The following EIF2AK3 variants were observed in gnomAD, a reference collection of about 807,000 sequenced individuals.
EIF2AK3 encodes eukaryotic translation initiation factor 2 alpha kinase 3, also known as eukaryotic translation initiation factor 2-alpha kinase 3.
In EIF2AK3, 50 loss-of-function variants were observed where a neutral mutation model predicts 113.5. That is an observed-to-expected ratio of 0.44 (90% CI 0.35 to 0.56). The LOEUF (loss-of-function observed/expected upper bound fraction) is 0.56, where lower values mean the gene tolerates loss of function less well. Among genes scored for constraint, EIF2AK3 ranks in the 20% least tolerant of loss-of-function variants. EIF2AK3 has a pLI of 0.00. For missense variants in EIF2AK3, 1,185 were observed against 1,378.0 expected, an observed-to-expected ratio of 0.86 and a Z score of 2.22; for synonymous variants, 448 against 495.4, an observed-to-expected ratio of 0.90 and a Z score of 1.27.
intron 14 of EIF2AK3, among the ~76,000 whole-genome samples, chr2:88,569,585 G>A (rs1438906548): frequency 6.6e-6 from 1 of 152,144 alleles, no homozygotes; most frequent in Non-Finnish European, 1.5e-5. Flanking sequence ...ATTACATAAT[G>A]AACTGTGATG....
At position 88,586,048 on chromosome 2, in the gene EIF2AK3, A is replaced by G. The variant is rs1558653073; in HGVS notation, c.1443T>C (p.Tyr481=). The change falls in exon 9 of 17, where the codon TAT becomes TAC. Residue 481 remains tyrosine (Y), a synonymous_variant. Transcript: ENST00000303236. The part of the protein sequence containing the change: ...ILQYPYDNGY[Y]LPYYKRERNK... ...TCCTCTCCCTCTTGTAGTATGGTAG[A>G]TAATAACCATTATCTTCAAATAGAA... The G allele has an allele frequency of 2.5e-6, 4 of 1,613,888 alleles. No individual in the cohort carries two copies. In the South Asian group the frequency reaches 4.4e-5, roughly 18 times the overall value.
intron 10 of EIF2AK3, 127 bp from the exon 11 acceptor site, chr2:88,579,767 ATATT>A (rs1490787753): frequency 1.2e-6 from 1 of 854,612 alleles, no homozygotes; most frequent in Non-Finnish European, 1.8e-6. Flanking sequence ...AATAAATAGT[ATATT>A]TTGAATTTGA....
At chr2:88,586,171 T>A in intron 8 of EIF2AK3, 110 bp from the exon 9 acceptor site, 1 of 850,962 alleles carries the variant, frequency 1.2e-6, no homozygotes, top group Non-Finnish European at 1.9e-6. Flanking sequence ...TAATTCCTTT[T>A]AAGTTTTGTC....
intron 15 of EIF2AK3, 140 bp downstream of exon 15, chr2:88,562,147 CTG>C (rs1673982275): frequency 4.4e-6 from 3 of 683,672 alleles, no homozygotes; most frequent in South Asian, 1.8e-5. Context: ...GAACTCCTCT[CTG>C]TGTTACTCAC....
chr2:88,595,130 G>C (rs1483548969), intron 3 of EIF2AK3, among the ~76,000 whole-genome samples: 2 of 150,336 alleles, frequency 1.3e-5, no homozygotes, highest in Non-Finnish European at 3.0e-5. Context: ...TTGAACCTGA[G>C]GGGGTGTGGA....
chr2:88,583,619 AAAC>A, intron 9 of EIF2AK3, 77 bp from the exon 10 acceptor site: 1 of 1,002,238 alleles, frequency 1.0e-6, no homozygotes. Context: ...GTTATAAAAT[AAAC>A]AACACTGAAA....
intron 2 of EIF2AK3, among the ~76,000 whole-genome samples, chr2:88,604,545 A>G (rs1019493239): frequency 3.3e-5 from 5 of 152,128 alleles, no homozygotes; most frequent in African/African-American, 1.2e-4. Flanking sequence ...ACTCAATTGC[A>G]TTATTTGTAC....
chr2:88,579,383 A>AC, intron 11 of EIF2AK3, 135 bp downstream of exon 11: 1 of 1,195,074 alleles, frequency 8.4e-7, no homozygotes, highest in Non-Finnish European at 1.2e-6. Context: ...AATTGGCAGC[A>AC]CTTAGAACCT....
At chr2:88,607,195 T>C (rs2104460281) in intron 2 of EIF2AK3, among the ~76,000 whole-genome samples, 1 of 152,236 alleles carries the variant, frequency 6.6e-6, no homozygotes, top group African/African-American at 2.4e-5. Context: ...CCAGAGATCC[T>C]AAAGAAAAAA....
In EIF2AK3 at chr2:88,563,033, G is replaced by A. The variant is rs372484463; in HGVS notation, c.2986-643C>T. On this transcript the variant is annotated intron_variant, in intron 14 of 16. Transcript: ENST00000303236. ...TACTTAGTTGTTAAAATGAACAAATGAATTACAACAGAACTACTCGACTAA... is the reference window on the plus strand; with the variant it reads ...TACTTAGTTGTTAAAATGAACAAATAAATTACAACAGAACTACTCGACTAA... Among the ~76,000 whole-genome samples the A allele has an allele frequency of 2.7e-4, 41 of 152,278 alleles. No individual in the cohort carries two copies. The South Asian group carries it at 7.5e-3, about 28-fold the overall frequency.
intron 13 of EIF2AK3, among the ~76,000 whole-genome samples, chr2:88,571,460 AC>A (rs1411196039): frequency 2.6e-5 from 4 of 152,228 alleles, no homozygotes; most frequent in Non-Finnish European, 5.9e-5. Flanking sequence ...AAAGCAGTTT[AC>A]TACTACTAAC....
rs746512903 is a variant in EIF2AK3, at chr2:88,576,670, A to G, written c.1920T>C (p.Val640=). 2 of 1,614,152 alleles carry G rather than the reference A, an allele frequency of 1.2e-6. No homozygotes were observed. Among genetic ancestry groups the G allele is most frequent in the Admixed American group, 3.3e-5 (2 of 60,012 alleles). Reference sequence around the variant, plus strand: ...GGTGTTCAAGCTTGGCTAAGGCTTTAACTTCTCGCATTACCTTTTCCCGAG... The same window carrying G: ...GGTGTTCAAGCTTGGCTAAGGCTTTGACTTCTCGCATTACCTTTTCCCGAG... The part of the protein sequence containing the change: ...ELAREKVMRE[V]KALAKLEHPG... Residue 640 remains valine, a synonymous_variant, in exon 12 of 17, where the codon GTT becomes GTC. Coordinates refer to ENST00000303236, the MANE Select transcript of EIF2AK3 (RefSeq NM_004836.7).
intron 15 of EIF2AK3, among the ~76,000 whole-genome samples, chr2:88,559,542 G>GTA (rs1491046838): frequency 6.7e-6 from 1 of 150,096 alleles, no homozygotes; most frequent in Non-Finnish European, 1.5e-5. Context: ...GTGTGTGTGT[G>GTA]TATGTACATT....
intron 2 of EIF2AK3, among the ~76,000 whole-genome samples, chr2:88,599,940 T>A (rs1675110109): frequency 6.6e-6 from 1 of 152,146 alleles, no homozygotes; most frequent in African/African-American, 2.4e-5. Flanking sequence ...CAATTAAAAA[T>A]ATAGTTTAAA....
intron 14 of EIF2AK3, among the ~76,000 whole-genome samples, chr2:88,569,776 T>C (rs1674242959): frequency 6.6e-6 from 1 of 152,232 alleles, no homozygotes; most frequent in Non-Finnish European, 1.5e-5. Flanking sequence ...AAATGACTTC[T>C]AAGAAACTAT....
chr2:88,603,635 T>C (rs1012909642), intron 2 of EIF2AK3, among the ~76,000 whole-genome samples: 1 of 152,240 alleles, frequency 6.6e-6, no homozygotes, highest in Non-Finnish European at 1.5e-5. Flanking sequence ...AACAAATCTA[T>C]CATTGAAACA....
Position 88,575,321 on chromosome 2 carries a change from G to T in EIF2AK3, c.2162C>A (p.Ser721Tyr), listed in dbSNP as rs947040918. Residue 721 changes from serine to tyrosine, a missense_variant, in exon 13 of 17, where the codon TCT becomes TAT. Physicochemically the swap from Ser to Tyr is moderately radical, Grantham distance 144. This residue lies in a region of EIF2AK3 where 877 missense variants were observed against 1,024.2 expected (regional missense o/e 0.86). Coordinates refer to ENST00000303236, the MANE Select transcript of EIF2AK3 (RefSeq NM_004836.7). Reference protein sequence around the residue: ...IIAPSPQRSRSFSVGISCDQT... With the variant: ...IIAPSPQRSRYFSVGISCDQT... ...GTCACAGGAAATCCCTACTGAAAAAGACCTGCTTCTTTGTGGTGAAGGAGC... is the reference window on the plus strand; with the variant it reads ...GTCACAGGAAATCCCTACTGAAAAATACCTGCTTCTTTGTGGTGAAGGAGC... The T allele has an allele frequency of 3.8e-5, 62 of 1,614,046 alleles. No individual in the cohort carries two copies. The highest frequency in any genetic ancestry group is 4.7e-5 in the Non-Finnish European group (56 of 1,180,028).
chr2:88,599,640 T>C (rs1258415975), intron 2 of EIF2AK3, among the ~76,000 whole-genome samples: 1 of 151,984 alleles, frequency 6.6e-6, no homozygotes, highest in Non-Finnish European at 1.5e-5. Context: ...TAGTATTAGG[T>C]TAAAGTATAA....
chr2:88,627,908 G>A (rs1675919514), upstream of EIF2AK3: 1 of 152,458 alleles, frequency 6.6e-6, no homozygotes, highest in South Asian at 2.0e-4. Flanking sequence ...TGTCCCAAGT[G>A]AAGAGTGGGA....
Sources: gnomAD v4.1 joint callset for allele counts (sites outside exome capture counted in the v4.1 genomes callset) on GRCh38, gnomAD v4.1.1 for gene constraint, gnomAD v4.1.1 regional missense constraint, MANE v1.5 for transcripts, NCBI Gene and HGNC (gene_info 2026-07-23, HGNC 2026-07-21) for gene names.